Variants in ARRDC4 observed in about 807,000 individuals in gnomAD.
The protein encoded by ARRDC4 is arrestin domain containing 4, also known as arrestin domain-containing protein 4.
ARRDC4 carries 40 observed loss-of-function variants against 44.6 expected under a neutral mutation model. That is an observed-to-expected ratio of 0.90 (90% CI 0.70 to 1.17). The LOEUF is 1.17. Among genes scored for constraint, ARRDC4 ranks in the 50% most tolerant of loss-of-function variants. The pLI is 0.00. For missense variants in ARRDC4, 550 were observed against 559.1 expected (o/e 0.98, Z 0.16); for synonymous variants, 211 against 221.2 (o/e 0.95, Z 0.41).
At chr15:97,963,937 T>A (rs1052060641) in intron 1 of ARRDC4, among the ~76,000 whole-genome samples, 3 of 152,182 alleles carry the variant, frequency 2.0e-5, no homozygotes, top group Non-Finnish European at 4.4e-5. Flanking sequence ...TGGTCCCTGC[T>A]CTGCTGCTAC....
At position 97,967,765 on chromosome 15, in the gene ARRDC4, G is replaced by A. The variant is rs544296283; in HGVS notation, c.523-249G>A. Among the ~76,000 whole-genome samples the A allele has an allele frequency of 2.2e-4, 34 of 151,298 alleles. No individual in the cohort carries two copies. Among genetic ancestry groups the A allele is most frequent in the Admixed American group, 5.9e-4 (9 of 15,208 alleles). On this transcript the variant is annotated intron_variant, in intron 3 of 7. Transcript: ENST00000268042. This position sits in a 1 kb window ranked among gnomAD's most constrained non-coding sequence, Gnocchi z 5.0. ...TTTCCTGGAAACATAATGACTTCAG[G>A]GTAAAATAAGATGGTGTCATGCTAA...
rs188979854 is a variant in ARRDC4 at position 97,973,357 on chromosome 15, G to T, written c.*2170G>T. The T allele has an allele frequency of 1.4e-4, 22 of 152,658 alleles. No homozygotes were observed. Among genetic ancestry groups the T allele is most frequent in the Non-Finnish European group, 3.1e-4 (21 of 68,000 alleles). 9.5% of individuals were successfully genotyped at this position (152,658 alleles called of 1,614,324 possible). A position where few individuals can be genotyped will look rare whatever the true frequency, so the allele number is the denominator to read the frequency against. Reference sequence around the variant, plus strand: ...GTGAAACTATCTCTGTAGGACTTAAGAGAATAGCTAAAAGGTGTGACTTGC... The same window carrying T: ...GTGAAACTATCTCTGTAGGACTTAATAGAATAGCTAAAAGGTGTGACTTGC... On this transcript the variant is annotated 3_prime_UTR_variant, in exon 8 of 8. Coordinates refer to ENST00000268042, the MANE Select transcript of ARRDC4 (RefSeq NM_183376.3).
At chr15:97,963,469 G>C (rs77602459) in intron 1 of ARRDC4, among the ~76,000 whole-genome samples, 3 of 152,170 alleles carry the variant, frequency 2.0e-5, no homozygotes, top group Non-Finnish European at 4.4e-5. Flanking sequence ...TCGATTTGTT[G>C]CTTAATGAAA....
intron 1 of ARRDC4, among the ~76,000 whole-genome samples, chr15:97,964,961 A>G (rs1456663547): frequency 6.6e-6 from 1 of 152,144 alleles, no homozygotes; most frequent in African/African-American, 2.4e-5. Context: ...TCCCGTTAGT[A>G]TAATAGAATG....
At chr15:97,969,517 T>A (rs559925988) in intron 5 of ARRDC4, 138 bp downstream of exon 5, 1 of 996,594 alleles carries the variant, frequency 1.0e-6, no homozygotes, top group South Asian at 1.7e-5. Flanking sequence ...GTATGAAGAT[T>A]GGCCCTTGTT....
chr15:97,970,508 T>A lies in ARRDC4; in HGVS notation c.1046-81T>A. The A allele has an allele frequency of 7.1e-7, 1 of 1,408,670 alleles. No homozygotes were observed. Among genetic ancestry groups the A allele is most frequent in the Admixed American group, 2.0e-5 (1 of 50,076 alleles). 87.3% of individuals were successfully genotyped at this position (1,408,670 alleles called of 1,614,324 possible). A position where few individuals can be genotyped will look rare whatever the true frequency, so the allele number is the denominator to read the frequency against. On this transcript the variant is annotated intron_variant, in intron 6 of 7. Transcript: ENST00000268042. The surrounding 1 kb of genome is among the most constrained non-coding windows in gnomAD (Gnocchi z 4.2). ...CATATTTTTTATCTTCAAGTTTAGC[T>A]GTTTCTTGTTTTTGTAGCAGTTAAG...
Position 97,967,980 on chromosome 15 carries a change from A to G in ARRDC4, c.523-34A>G, listed in dbSNP as rs77480497. ...TTCTATGAGTTCTCTAGAGTGGCTT[A>G]ATTAAGGTTGTTTTATTGTTTGAAA... On this transcript the variant is annotated intron_variant, in intron 3 of 7. Transcript: ENST00000268042. This position sits in a 1 kb window ranked among gnomAD's most constrained non-coding sequence, Gnocchi z 5.0. 0.015 allele frequency: 20,939 copies of G among 1,417,392 alleles called. 1,023 individuals are homozygous for G. The African/African-American group carries it at 0.16, about 11-fold the overall frequency. 87.8% of individuals were successfully genotyped at this position (1,417,392 alleles called of 1,614,324 possible). A position where few individuals can be genotyped will look rare whatever the true frequency, so the allele number is the denominator to read the frequency against.
rs370057027 is a variant in ARRDC4, at chr15:97,970,656, A to G, written c.1113A>G (p.Gln371=). 8.7e-6 allele frequency: 14 copies of G among 1,613,030 alleles called. No individual in the cohort carries two copies. Among genetic ancestry groups the G allele is most frequent in the Non-Finnish European group, 9.3e-6 (11 of 1,179,402 alleles). Residue 371 remains glutamine, a synonymous_variant, in exon 7 of 8, where the codon CAA becomes CAG. Transcript: ENST00000268042. The surrounding 1 kb of genome is among the most constrained non-coding windows in gnomAD (Gnocchi z 4.2). ...CTAGACACATTCCTCCTTACCCTCA[A>G]CCCCCTAACTGTGAGGGAGAAGTGT... is the stretch of plus-strand genomic sequence containing the variant. The part of the protein sequence containing the change: ...EFSRHIPPYP[Q]PPNCEGEVCC...
rs1463346582 is a variant in ARRDC4, at chr15:97,968,651, T to C, written c.626-472T>C. 2.0e-5 allele frequency among the ~76,000 whole-genome samples: 3 copies of C among 152,222 alleles called. No individual in the cohort carries two copies. Among genetic ancestry groups the C allele is most frequent in the African/African-American group, 7.2e-5 (3 of 41,454 alleles). On this transcript the variant is annotated intron_variant, in intron 4 of 7. Coordinates refer to ENST00000268042, the MANE Select transcript of ARRDC4 (RefSeq NM_183376.3). This position sits in a 1 kb window ranked among gnomAD's most constrained non-coding sequence, Gnocchi z 5.4. The stretch of plus-strand genomic sequence containing the variant: ...AGGAATTCAGTATGGAATGGTATGA[T>C]GTGCAGCCATAATGTTATAAAACTT...
chr15:97,970,836 C>A lies in ARRDC4; in HGVS notation c.1200+93C>A. ...TTCATTAGAGTGTCTGTTGCTGACT[C>A]ATAATTAGTAAGGGATACATTTAAA... On this transcript the variant is annotated intron_variant, in intron 7 of 7. Transcript: ENST00000268042. This position sits in a 1 kb window ranked among gnomAD's most constrained non-coding sequence, Gnocchi z 4.2. 2 of 1,387,506 alleles carry A rather than the reference C, an allele frequency of 1.4e-6. No individual in the cohort carries two copies. Among genetic ancestry groups the A allele is most frequent in the South Asian group, 2.7e-5 (2 of 75,462 alleles). The allele number at this position is 1,387,506 out of a possible 1,614,324, so 85.9% of individuals were successfully genotyped here.
At chr15:97,961,494 C>G (rs561746915) in intron 1 of ARRDC4, among the ~76,000 whole-genome samples, 3 of 152,324 alleles carry the variant, frequency 2.0e-5, no homozygotes, top group African/African-American at 7.2e-5. Context: ...CCTGTTCCTT[C>G]TGGTCCAAGA....
chr15:97,968,997 T>A lies in ARRDC4; in HGVS notation c.626-126T>A. On this transcript the variant is annotated intron_variant, in intron 4 of 7. Transcript: ENST00000268042. The surrounding 1 kb of genome is among the most constrained non-coding windows in gnomAD (Gnocchi z 5.4). ...TCTCTGGCTTGAATTTACAATATGT[T>A]TTCCATCAAAGCTTCTCAATTTGTT... 1 of 1,007,094 alleles carries A rather than the reference T, an allele frequency of 9.9e-7. No individual in the cohort carries two copies. The highest frequency in any genetic ancestry group is 1.7e-5 in the South Asian group (1 of 59,698). The allele number at this position is 1,007,094 out of a possible 1,614,324, so 62.4% of individuals were successfully genotyped here. A position where few individuals can be genotyped will look rare whatever the true frequency, so the allele number is the denominator to read the frequency against.
rs969744170 is a variant in ARRDC4 at position 97,968,523 on chromosome 15, T to C, written c.625+407T>C. 2.0e-5 allele frequency among the ~76,000 whole-genome samples: 3 copies of C among 152,226 alleles called. No homozygotes were observed. The highest frequency in any genetic ancestry group is 7.2e-5 in the African/African-American group (3 of 41,464). Reference sequence around the variant, plus strand: ...ATGCATGGGACTGGAATGTAGTGTATTAACAAACTTAACAATCAGATTGTT... The same window carrying C: ...ATGCATGGGACTGGAATGTAGTGTACTAACAAACTTAACAATCAGATTGTT... On this transcript the variant is annotated intron_variant, in intron 4 of 7. Coordinates refer to ENST00000268042, the MANE Select transcript of ARRDC4 (RefSeq NM_183376.3). This position sits in a 1 kb window ranked among gnomAD's most constrained non-coding sequence, Gnocchi z 5.4.
rs1047061762 is a variant in ARRDC4, at chr15:97,965,021, T to C, written c.308-579T>C. On this transcript the variant is annotated intron_variant, in intron 1 of 7. Transcript: ENST00000268042. This position sits in a 1 kb window ranked among gnomAD's most constrained non-coding sequence, Gnocchi z 5.1. Reference sequence around the variant, plus strand: ...ATACACACACACACACACACACATATACATATCCATATACACATATATATG... The same window carrying C: ...ATACACACACACACACACACACATACACATATCCATATACACATATATATG... Among the ~76,000 whole-genome samples, 7 of 151,202 alleles carry C rather than the reference T, an allele frequency of 4.6e-5. No homozygotes were observed. The highest frequency in any genetic ancestry group is 1.5e-4 in the African/African-American group (6 of 41,042).
At position 97,971,518 on chromosome 15, in the gene ARRDC4, C is replaced by T. The variant is rs1203697184; in HGVS notation, c.*331C>T. ...GAAAGGAATCTGTAAACAGTGGAAACACTGTGGGAGTTTCCCATGGTGAAG... is the reference window on the plus strand; with the variant it reads ...GAAAGGAATCTGTAAACAGTGGAAATACTGTGGGAGTTTCCCATGGTGAAG... On this transcript the variant is annotated 3_prime_UTR_variant, in exon 8 of 8. Coordinates refer to ENST00000268042, the MANE Select transcript of ARRDC4 (RefSeq NM_183376.3). The T allele has an allele frequency of 3.3e-6, 1 of 307,544 alleles. No individual in the cohort carries two copies. Among genetic ancestry groups the T allele is most frequent in the East Asian group, 7.8e-5 (1 of 12,882 alleles). The allele number at this position is 307,544 out of a possible 1,614,324, so 19.1% of individuals were successfully genotyped here.
chr15:97,970,294 T>C lies in ARRDC4; in HGVS notation c.1045+249T>C, dbSNP rs1471979064. ...TACATTTCCTAATTCCTATTTGTAA[T>C]AGGAAAACAATGAAAAACAGTCAAA... On this transcript the variant is annotated intron_variant, in intron 6 of 7. Transcript: ENST00000268042. This position sits in a 1 kb window ranked among gnomAD's most constrained non-coding sequence, Gnocchi z 4.2. 6.6e-6 allele frequency among the ~76,000 whole-genome samples: 1 copy of C among 152,148 alleles called. No individual in the cohort carries two copies. The highest frequency in any genetic ancestry group is 2.4e-5 in the African/African-American group (1 of 41,432).
At position 97,971,624 on chromosome 15, in the gene ARRDC4, G is replaced by A. The variant is rs569243230; in HGVS notation, c.*437G>A. The A allele has an allele frequency of 5.5e-6, 1 of 181,740 alleles. No individual in the cohort carries two copies. Among genetic ancestry groups the A allele is most frequent in the East Asian group, 1.4e-4 (1 of 6,994 alleles). 11.3% of individuals were successfully genotyped at this position (181,740 alleles called of 1,614,324 possible). ...AACAAAACAAGGGTGTGTGTGCATA[G>A]GAGAATGGCCCACTCCAAATACGAA... is the stretch of plus-strand genomic sequence containing the variant. On this transcript the variant is annotated 3_prime_UTR_variant, in exon 8 of 8. Coordinates refer to ENST00000268042, the MANE Select transcript of ARRDC4 (RefSeq NM_183376.3).
chr15:97,961,395 C>T (rs1005263046), intron 1 of ARRDC4, among the ~76,000 whole-genome samples: 6 of 152,198 alleles, frequency 3.9e-5, no homozygotes, highest in Non-Finnish European at 5.9e-5. Flanking sequence ...GGACCAGTGG[C>T]TCGGGATTTT....
Position 97,965,794 on chromosome 15 carries a change from C to G in ARRDC4, c.375-101C>G, listed in dbSNP as rs1459363733. 10 of 1,519,920 alleles carry G rather than the reference C, an allele frequency of 6.6e-6. No homozygotes were observed. The highest frequency in any genetic ancestry group is 8.1e-6 in the Non-Finnish European group (9 of 1,106,168). 94.2% of individuals were successfully genotyped at this position (1,519,920 alleles called of 1,614,324 possible). A position where few individuals can be genotyped will look rare whatever the true frequency, so the allele number is the denominator to read the frequency against. On this transcript the variant is annotated intron_variant, in intron 2 of 7. Transcript: ENST00000268042. This position sits in a 1 kb window ranked among gnomAD's most constrained non-coding sequence, Gnocchi z 5.1. ...ACTGAATAGTCCCTAAATAGACTTA[C>G]TCTTTTTTTATTTCCAACCTAAAAC...
Sources: allele counts gnomAD v4.1 joint callset (sites outside exome capture counted in the v4.1 genomes callset), GRCh38; gene constraint gnomAD v4.1.1; non-coding constraint Gnocchi (gnomAD v3.1); transcripts MANE v1.5; gene names NCBI Gene and HGNC (gene_info 2026-07-23, HGNC 2026-07-21).